COX10: variants seen among roughly 807,000 people sequenced by gnomAD.
COX10 encodes protoheme IX farnesyltransferase, mitochondrial.
Under a neutral mutation model 37.3 loss-of-function variants are expected in COX10, and 27 were observed. The ratio of observed to expected loss-of-function variants is 0.72; its 90% CI spans 0.53 to 1.00. The LOEUF is 1.00. COX10 is among the 50% of genes least tolerant of loss of function. The probability of loss-of-function intolerance (pLI) is 0.00; values close to 1 mark genes in which losing one functional copy is unlikely to be tolerated. For synonymous variants in COX10, 222 were observed against 229.1 expected, an observed-to-expected ratio of 0.97 and a Z score of 0.28; for missense variants, 475 against 563.2, an observed-to-expected ratio of 0.84 and a Z score of 1.59.
intron 4 of COX10, among the ~76,000 whole-genome samples, chr17:14,123,807 A>G (rs142347372): frequency 6.6e-6 from 1 of 152,330 alleles, no homozygotes; most frequent in East Asian, 1.9e-4. Context: ...TGGAAGGGCT[A>G]CCAATATGAG....
chr17:14,182,517 G>A (rs1905899348), intron 5 of COX10, among the ~76,000 whole-genome samples: 1 of 151,976 alleles, frequency 6.6e-6, no homozygotes, highest in Non-Finnish European at 1.5e-5. Flanking sequence ...TCTATAACTT[G>A]AGATATGTTC....
chr17:14,102,287 C>T (rs747443343), intron 4 of COX10, 45 bp downstream of exon 4: 3 of 1,611,598 alleles, frequency 1.9e-6, no homozygotes, highest in Non-Finnish European at 2.5e-6. Flanking sequence ...GTCACTTTTT[C>T]CTAGATGGCT....
intron 4 of COX10, among the ~76,000 whole-genome samples, chr17:14,144,108 T>A (rs535487805): frequency 6.6e-6 from 1 of 152,312 alleles, no homozygotes; most frequent in East Asian, 1.9e-4. Flanking sequence ...GCTTAATGAT[T>A]TCTCTGGCCT....
chr17:14,164,928 G>A lies in COX10; in HGVS notation c.695+4981G>A, dbSNP rs114495361. ...TCCCACGTAGCATGATTGTAATATG[G>A]GCTGAAGGTCAAATGGGTTTGCCTA... On this transcript the variant is annotated intron_variant, in intron 5 of 6. Coordinates refer to ENST00000261643, the MANE Select transcript of COX10 (RefSeq NM_001303.4). Among the ~76,000 whole-genome samples the A allele has an allele frequency of 2.1e-3, 316 of 152,148 alleles. 3 individuals are homozygous for A. The highest frequency in any genetic ancestry group is 7.1e-3 in the African/African-American group (296 of 41,516).
chr17:14,090,658 T>C (rs1035503801), intron 3 of COX10, among the ~76,000 whole-genome samples: 2 of 152,194 alleles, frequency 1.3e-5, no homozygotes, highest in African/African-American at 2.4e-5. Context: ...GTCTCAAACA[T>C]GTATACCTCA....
rs796876811 is a variant in COX10, at chr17:14,078,098, G to T, written c.499+1042G>T. On this transcript the variant is annotated intron_variant, in intron 3 of 6. Coordinates refer to ENST00000261643, the MANE Select transcript of COX10 (RefSeq NM_001303.4). ...GAGCTAAAAAGTCTTAGTAAGACTT[G>T]TGTAATGTAACTCTAAAACAGTGAG... Among the ~76,000 whole-genome samples the T allele has an allele frequency of 5.3e-5, 8 of 152,196 alleles. 2 individuals are homozygous for T. The highest frequency in any genetic ancestry group is 1.9e-4 in the African/African-American group (8 of 41,524).
chr17:14,084,879 T>A (rs537879233), intron 3 of COX10, among the ~76,000 whole-genome samples: 2 of 152,220 alleles, frequency 1.3e-5, no homozygotes, highest in Non-Finnish European at 1.5e-5. Context: ...AGGCTGGTCT[T>A]GAACTCCTGA....
intron 5 of COX10, among the ~76,000 whole-genome samples, chr17:14,181,079 G>T (rs2142255872): frequency 6.6e-6 from 1 of 152,188 alleles, no homozygotes; most frequent in Non-Finnish European, 1.5e-5. Flanking sequence ...ATGTGGAGGG[G>T]CTCAGGAAGG....
At chr17:14,106,049 T>C (rs1048427249) in intron 4 of COX10, among the ~76,000 whole-genome samples, 1 of 152,012 alleles carries the variant, frequency 6.6e-6, no homozygotes, top group Non-Finnish European at 1.5e-5. Context: ...GTTTCGCTCT[T>C]GTCACTCAGG....
intron 5 of COX10, among the ~76,000 whole-genome samples, chr17:14,186,208 C>A (rs188016916): frequency 1.3e-5 from 2 of 152,052 alleles, no homozygotes; most frequent in African/African-American, 2.4e-5. Context: ...CAGATCTGAT[C>A]ATTTTCTTCC....
intron 4 of COX10, among the ~76,000 whole-genome samples, chr17:14,108,108 C>T (rs1160092553): frequency 1.3e-5 from 2 of 152,120 alleles, no homozygotes; most frequent in African/African-American, 2.4e-5. Flanking sequence ...ATGATTATGA[C>T]TAACATATTT....
At chr17:14,133,451 A>G (rs1916509306) in intron 4 of COX10, among the ~76,000 whole-genome samples, 1 of 151,646 alleles carries the variant, frequency 6.6e-6, no homozygotes. Context: ...TTCTTGTTAA[A>G]AGTAATCTGA....
At chr17:14,204,209 C>T (rs1906628821) in intron 6 of COX10, among the ~76,000 whole-genome samples, 2 of 152,098 alleles carry the variant, frequency 1.3e-5, no homozygotes, top group African/African-American at 4.8e-5. Flanking sequence ...TAAATGTCTG[C>T]CTGGACCCTG....
chr17:14,189,389 C>T (rs1906133163), intron 5 of COX10, among the ~76,000 whole-genome samples: 1 of 152,206 alleles, frequency 6.6e-6, no homozygotes, highest in Non-Finnish European at 1.5e-5. Flanking sequence ...TAATCTTCAA[C>T]ATCATCTGTT....
chr17:14,150,605 A>C (rs1242661736), intron 4 of COX10, among the ~76,000 whole-genome samples: 1 of 152,202 alleles, frequency 6.6e-6, no homozygotes, highest in Non-Finnish European at 1.5e-5. Context: ...CTGTGTTCAT[A>C]GACAACTAAG....
chr17:14,162,881 G>A (rs2142241573), intron 5 of COX10, among the ~76,000 whole-genome samples: 1 of 152,242 alleles, frequency 6.6e-6, no homozygotes, highest in Admixed American at 6.5e-5. Flanking sequence ...TTTCCATTCA[G>A]CCCAGTGCAT....
chr17:14,088,182 T>C (rs1254604759), intron 3 of COX10, among the ~76,000 whole-genome samples: 1 of 152,170 alleles, frequency 6.6e-6, no homozygotes, highest in Non-Finnish European at 1.5e-5. Flanking sequence ...CCATTCCTTA[T>C]TAGTAGCTAT....
At chr17:14,182,565 A>G (rs538857192) in intron 5 of COX10, among the ~76,000 whole-genome samples, 2 of 152,252 alleles carry the variant, frequency 1.3e-5, no homozygotes, top group South Asian at 4.1e-4. Context: ...CTGGGGAGAC[A>G]TTTTCAAAAC....
At position 14,102,204 on chromosome 17, in the gene COX10, A is replaced by G; in HGVS notation, c.586A>G (p.Thr196Ala). Residue 196 changes from threonine to alanine, a missense_variant, in exon 4 of 7, where the codon ACA becomes GCA. Physicochemically the swap from Thr to Ala is moderately conservative, Grantham distance 58. Transcript: ENST00000261643. ...CTGTTTCCTGCTTACTTCTGTTGGGACAGGCCTTGCATCCTGTGCTGCCAA... is the reference window on the plus strand; with the variant it reads ...CTGTTTCCTGCTTACTTCTGTTGGGGCAGGCCTTGCATCCTGTGCTGCCAA... The part of the protein sequence containing the change: ...WPCFLLTSVG[T>A]GLASCAANSI... 6.2e-7 allele frequency: 1 copy of G among 1,613,616 alleles called. No homozygotes were observed. The highest frequency in any genetic ancestry group is 8.5e-7 in the Non-Finnish European group (1 of 1,179,700).
Sources: allele counts gnomAD v4.1 joint callset (sites outside exome capture counted in the v4.1 genomes callset), GRCh38; gene constraint gnomAD v4.1.1; transcripts MANE v1.5; gene names NCBI Gene and HGNC (gene_info 2026-07-23, HGNC 2026-07-21).